NRG3: variants seen among roughly 807,000 people sequenced by gnomAD.
NRG3 encodes neuregulin 3.
NRG3 carries 31 observed loss-of-function variants against 66.9 expected under a neutral mutation model. The observed-to-expected ratio is 0.46, with a 90% CI of 0.35 to 0.63. The LOEUF (loss-of-function observed/expected upper bound fraction) is 0.63. Ranked by LOEUF, NRG3 falls within the 20% of genes least tolerant of loss-of-function variation. NRG3 has a pLI of 0.00. For missense variants in NRG3, 910 were observed against 878.9 expected (o/e 1.04, Z -0.45); for synonymous variants, 393 against 359.4 (o/e 1.09, Z -1.06).
In NRG3 at chr10:82,385,105, G is replaced by A. The variant is rs566598814; in HGVS notation, c.953+26237G>A. On this transcript the variant is annotated intron_variant, in intron 2 of 8. Coordinates refer to ENST00000372141, the MANE Select transcript of NRG3 (RefSeq NM_001010848.4). ...TTTTATTTATGTTTGTTGGCCACAT[G>A]TATGTCTTCTTTTGCGAAATGTCTG... Among the ~76,000 whole-genome samples the A allele has an allele frequency of 4.6e-5, 7 of 152,262 alleles. No individual in the cohort carries two copies. In the South Asian group the frequency reaches 1.5e-3, roughly 32 times the overall value.
At chr10:82,238,247 A>G (rs35422267) in intron 1 of NRG3, among the ~76,000 whole-genome samples, 27,437 of 152,102 alleles carry the variant, frequency 0.18, 4,155 homozygotes, top group African/African-American at 0.4. Context: ...TTGAATTCAG[A>G]CTACATTCTA....
chr10:82,037,276 G>A (rs1325514512), intron 1 of NRG3, among the ~76,000 whole-genome samples: 6 of 152,102 alleles, frequency 3.9e-5, no homozygotes, highest in African/African-American at 1.4e-4. Flanking sequence ...TGGCCAAACA[G>A]TCATGGCACA....
At position 82,006,084 on chromosome 10, in the gene NRG3, T is replaced by C. The variant is rs1224165676; in HGVS notation, c.823+129921T>C. On this transcript the variant is annotated intron_variant, in intron 1 of 8. Coordinates refer to ENST00000372141, the MANE Select transcript of NRG3 (RefSeq NM_001010848.4). The stretch of plus-strand genomic sequence containing the variant: ...CTTCAGGTTACCATCTTATCTATTA[T>C]GCATTTGATTCTGTTTTCCCACATT... Among the ~76,000 whole-genome samples the C allele has an allele frequency of 1.5e-4, 23 of 152,214 alleles. 1 individual carries two copies. In the East Asian group the frequency reaches 4.1e-3, roughly 27 times the overall value.
At chr10:82,580,144 TA>T (rs2046271238) in intron 2 of NRG3, among the ~76,000 whole-genome samples, 2 of 152,180 alleles carry the variant, frequency 1.3e-5, no homozygotes, top group South Asian at 4.1e-4. Context: ...TTATTGGTAT[TA>T]TTATTTTCTA....
intron 6 of NRG3, among the ~76,000 whole-genome samples, chr10:82,964,984 C>G (rs953076355): frequency 6.6e-6 from 1 of 152,108 alleles, no homozygotes; most frequent in Non-Finnish European, 1.5e-5. Context: ...AGCAGGTGGG[C>G]GGGCAAGAGG....
intron 4 of NRG3, among the ~76,000 whole-genome samples, chr10:82,900,333 C>G (rs1844094697): frequency 6.6e-6 from 1 of 152,108 alleles, no homozygotes; most frequent in Non-Finnish European, 1.5e-5. Context: ...AATGTCAATA[C>G]TTTTATTTTG....
At chr10:82,166,870 A>ATT in intron 1 of NRG3, 1 of 618,188 alleles carries the variant, frequency 1.6e-6, no homozygotes, top group East Asian at 2.9e-5. Flanking sequence ...ACTGAAAGGT[A>ATT]TTTTTTTCTC....
chr10:82,461,964 C>G lies in NRG3; in HGVS notation c.953+103096C>G, dbSNP rs191568448. Among the ~76,000 whole-genome samples, 639 of 152,158 alleles carry G rather than the reference C, an allele frequency of 4.2e-3. 6 individuals carry two copies. Among genetic ancestry groups the G allele is most frequent in the African/African-American group, 0.014 (585 of 41,512 alleles). On this transcript the variant is annotated intron_variant, in intron 2 of 8. Transcript: ENST00000372141. The stretch of plus-strand genomic sequence containing the variant: ...TGGCCAACATGGAGAAACCCCGTCT[C>G]TACTAAAAATACAAAAATTAGCCAG...
chr10:82,839,631 G>T (rs1334701839), intron 3 of NRG3, among the ~76,000 whole-genome samples: 1 of 151,196 alleles, frequency 6.6e-6, no homozygotes, highest in Admixed American at 6.6e-5. Flanking sequence ...CTTCTAAATA[G>T]TATTTCTATT....
At chr10:82,132,269 A>G (rs576636920) in intron 1 of NRG3, among the ~76,000 whole-genome samples, 1 of 150,934 alleles carries the variant, frequency 6.6e-6, no homozygotes, top group Non-Finnish European at 1.5e-5. Context: ...TAACAAATGC[A>G]TTTTCAATAT....
At chr10:82,095,336 A>G (rs1261977796) in intron 1 of NRG3, among the ~76,000 whole-genome samples, 2 of 152,136 alleles carry the variant, frequency 1.3e-5, no homozygotes, top group Non-Finnish European at 1.5e-5. Context: ...TTATTTGTAA[A>G]GATGGTGTTG....
At chr10:81,945,480 A>AT (rs1848766985) in intron 1 of NRG3, among the ~76,000 whole-genome samples, 1 of 152,146 alleles carries the variant, frequency 6.6e-6, no homozygotes, top group Non-Finnish European at 1.5e-5. Context: ...TTAAATTGCG[A>AT]TTTTGCCCAT....
At chr10:82,843,228 A>G (rs2063147760) in intron 3 of NRG3, 1 of 454,870 alleles carries the variant, frequency 2.2e-6, no homozygotes, top group Non-Finnish European at 4.4e-6. Context: ...TAACAGTATT[A>G]CGAAGTGGGA....
chr10:82,914,845 G>A (rs1233296465), intron 4 of NRG3, among the ~76,000 whole-genome samples: 1 of 151,988 alleles, frequency 6.6e-6, no homozygotes, highest in South Asian at 2.1e-4. Flanking sequence ...GTTAGAGGAA[G>A]CTGTAATTGG....
intron 1 of NRG3, among the ~76,000 whole-genome samples, chr10:82,213,417 C>T (rs1217073201): frequency 3.3e-5 from 5 of 152,166 alleles, no homozygotes; most frequent in Non-Finnish European, 7.3e-5. Flanking sequence ...ATAAAATTAT[C>T]TTCTAGATTT....
intron 1 of NRG3, among the ~76,000 whole-genome samples, chr10:82,333,044 A>G (rs2082214221): frequency 6.6e-6 from 1 of 152,254 alleles, no homozygotes; most frequent in South Asian, 2.1e-4. Context: ...CCCTACTTGC[A>G]TAAGGAAAAC....
chr10:82,870,911 A>G (rs1033882981), intron 4 of NRG3, among the ~76,000 whole-genome samples: 11 of 152,106 alleles, frequency 7.2e-5, no homozygotes, highest in Admixed American at 3.3e-4. Flanking sequence ...CAAAGCAGAA[A>G]TTTTCAATTT....
chr10:82,370,304 A>G (rs896495873), intron 2 of NRG3, among the ~76,000 whole-genome samples: 1 of 137,304 alleles, frequency 7.3e-6, no homozygotes, highest in Non-Finnish European at 1.5e-5. Flanking sequence ...TGGGAAGGTG[A>G]TATTCCCCTG....
intron 2 of NRG3, among the ~76,000 whole-genome samples, chr10:82,613,530 T>A (rs2048440608): frequency 6.6e-6 from 1 of 151,800 alleles, no homozygotes; most frequent in African/African-American, 2.4e-5. Flanking sequence ...TTAATATTTT[T>A]AAGCAATGTC....
Sources: allele counts gnomAD v4.1 joint callset (sites outside exome capture counted in the v4.1 genomes callset), GRCh38; gene constraint gnomAD v4.1.1; transcripts MANE v1.5; gene names NCBI Gene and HGNC (gene_info 2026-07-23, HGNC 2026-07-21).